Variants in TMEM132C observed in about 807,000 individuals in gnomAD.
TMEM132C encodes the protein transmembrane protein 132C.
TMEM132C carries 29 observed loss-of-function variants against 61.4 expected under a neutral mutation model. That is an observed-to-expected ratio of 0.47 (90% CI 0.35 to 0.64). The LOEUF (loss-of-function observed/expected upper bound fraction) is 0.64. TMEM132C is among the 30% of genes least tolerant of loss of function. The pLI, the probability that TMEM132C is intolerant of heterozygous loss-of-function variation, is 0.00. For missense variants in TMEM132C, 1,408 were observed against 1,476.9 expected (o/e 0.95, Z 0.76); for synonymous variants, 656 against 633.1 (o/e 1.04, Z -0.54).
At chr12:128,658,781 C>T (rs1367499352) in intron 4 of TMEM132C, among the ~76,000 whole-genome samples, 1 of 152,180 alleles carries the variant, frequency 6.6e-6, no homozygotes, top group Non-Finnish European at 1.5e-5. Flanking sequence ...TGGTTTAGCG[C>T]AAGATTCCTC....
intron 3 of TMEM132C, among the ~76,000 whole-genome samples, chr12:128,601,675 G>C (rs1876195432): frequency 3.4e-5 from 5 of 148,942 alleles, no homozygotes; most frequent in Admixed American, 3.3e-4. Context: ...TGGCGGGTTG[G>C]AGTCGTCCTA....
chr12:128,464,950 C>T (rs946968547), intron 2 of TMEM132C, among the ~76,000 whole-genome samples: 33 of 151,994 alleles, frequency 2.2e-4, no homozygotes, highest in African/African-American at 5.8e-4. Context: ...TGGAGATGAG[C>T]GAGAGTAGGA....
At chr12:128,486,384 T>C (rs1375271129) in intron 2 of TMEM132C, among the ~76,000 whole-genome samples, 2 of 151,898 alleles carry the variant, frequency 1.3e-5, no homozygotes, top group African/African-American at 4.8e-5. Context: ...GAAAAGTAAT[T>C]AAGGGAACAC....
At chr12:128,423,428 A>G (rs191452215) in intron 2 of TMEM132C, among the ~76,000 whole-genome samples, 1 of 152,308 alleles carries the variant, frequency 6.6e-6, no homozygotes, top group Admixed American at 6.5e-5. Context: ...TGTTCCAATA[A>G]ACAAACAGGA....
Position 128,570,222 on chromosome 12 carries a change from C to CA in TMEM132C, c.1121+26120dup, listed in dbSNP as rs1303211502. ...TACACCTCCCCACCCCCGCACCCCC[C>CA]ACACACTCACACTGTGGTCACATTG... On this transcript the variant is annotated intron_variant, in intron 3 of 8. Coordinates refer to ENST00000435159, the MANE Select transcript of TMEM132C (RefSeq NM_001136103.3). The surrounding 1 kb of genome is among the most constrained non-coding windows in gnomAD (Gnocchi z 4.7). 1.3e-5 allele frequency among the ~76,000 whole-genome samples: 2 copies of CA among 152,140 alleles called. No homozygotes were observed. Among genetic ancestry groups the CA allele is most frequent in the East Asian group, 3.9e-4 (2 of 5,188 alleles).
intron 3 of TMEM132C, among the ~76,000 whole-genome samples, chr12:128,555,788 C>A (rs1353129928): frequency 6.6e-6 from 1 of 151,584 alleles, no homozygotes; most frequent in Non-Finnish European, 1.5e-5. Context: ...GGTCATGGCT[C>A]ACTGCAGCCT....
Position 128,278,390 on chromosome 12 carries a change from A to G in TMEM132C, c.85+10903A>G, listed in dbSNP as rs974749002. ...ACTTTTCTCATTTGCCTTCAAACTC[A>G]GTGTTTTCATCTGTCGTGTTCATAT... On this transcript the variant is annotated intron_variant, in intron 1 of 8. Coordinates refer to ENST00000435159, the MANE Select transcript of TMEM132C (RefSeq NM_001136103.3). This position sits in a 1 kb window ranked among gnomAD's most constrained non-coding sequence, Gnocchi z 4.2. Among the ~76,000 whole-genome samples the G allele has an allele frequency of 2.6e-5, 4 of 152,172 alleles. No homozygotes were observed. The highest frequency in any genetic ancestry group is 9.7e-5 in the African/African-American group (4 of 41,446).
intron 2 of TMEM132C, among the ~76,000 whole-genome samples, chr12:128,471,863 A>C (rs1345279055): frequency 6.6e-6 from 1 of 152,194 alleles, no homozygotes; most frequent in African/African-American, 2.4e-5. Flanking sequence ...GAATAACATA[A>C]ATAAAATAAA....
At chr12:128,573,247 A>G (rs924789335) in intron 3 of TMEM132C, among the ~76,000 whole-genome samples, 2 of 152,222 alleles carry the variant, frequency 1.3e-5, no homozygotes, top group African/African-American at 2.4e-5. Flanking sequence ...TGTGGCACAT[A>G]TACACCATGG....
At chr12:128,430,120 C>A (rs962215427) in intron 2 of TMEM132C, among the ~76,000 whole-genome samples, 9 of 152,142 alleles carry the variant, frequency 5.9e-5, no homozygotes, top group African/African-American at 2.2e-4. Context: ...GACTTTGACC[C>A]ACAACATTCC....
chr12:128,620,300 G>C (rs934098126), intron 4 of TMEM132C, among the ~76,000 whole-genome samples: 3 of 150,804 alleles, frequency 2.0e-5, no homozygotes, highest in Non-Finnish European at 4.4e-5. Flanking sequence ...ACTAAGCTCT[G>C]CAGGTATTCA....
intron 2 of TMEM132C, among the ~76,000 whole-genome samples, chr12:128,505,565 A>T (rs1281192357): frequency 6.6e-6 from 1 of 152,210 alleles, no homozygotes; most frequent in African/African-American, 2.4e-5. Flanking sequence ...AGTGTTCCTC[A>T]TATTATAGGG....
At chr12:128,434,809 A>G (rs951830318) in intron 2 of TMEM132C, among the ~76,000 whole-genome samples, 4 of 150,992 alleles carry the variant, frequency 2.6e-5, no homozygotes, top group African/African-American at 9.7e-5. Context: ...TTTAGTAGAG[A>G]CGGGGTTTCA....
intron 1 of TMEM132C, among the ~76,000 whole-genome samples, chr12:128,276,024 G>A (rs981761159): frequency 2.0e-5 from 3 of 152,138 alleles, no homozygotes; most frequent in Non-Finnish European, 4.4e-5. Context: ...TTACCTGTCT[G>A]TCTTATAAGG....
intron 4 of TMEM132C, among the ~76,000 whole-genome samples, chr12:128,655,178 C>T (rs1954312234): frequency 6.6e-6 from 1 of 152,206 alleles, no homozygotes. Context: ...GCCTGGTCTG[C>T]TCCGTCAGGG....
chr12:128,376,745 A>G (rs1347715540), intron 1 of TMEM132C, among the ~76,000 whole-genome samples: 1 of 152,212 alleles, frequency 6.6e-6, no homozygotes, highest in African/African-American at 2.4e-5. Flanking sequence ...GGAACAGAAA[A>G]CTTAAAAGAA....
chr12:128,526,816 GAGGC>G (rs1283915649), intron 2 of TMEM132C, among the ~76,000 whole-genome samples: 2 of 152,184 alleles, frequency 1.3e-5, no homozygotes, highest in African/African-American at 2.4e-5. Flanking sequence ...ACAAGGCTCA[GAGGC>G]AGGAGCAGCA....
At chr12:128,331,661 T>C (rs1872668665) in intron 1 of TMEM132C, among the ~76,000 whole-genome samples, 1 of 152,220 alleles carries the variant, frequency 6.6e-6, no homozygotes, top group African/African-American at 2.4e-5. Context: ...ATTTTGAGAA[T>C]CCAATCATTC....
At chr12:128,342,280 T>G (rs1316978295) in intron 1 of TMEM132C, among the ~76,000 whole-genome samples, 1 of 152,166 alleles carries the variant, frequency 6.6e-6, no homozygotes, top group African/African-American at 2.4e-5. Context: ...GTGCTGGGAT[T>G]ACAGATGTGA....
Sources: allele counts gnomAD v4.1 joint callset (sites outside exome capture counted in the v4.1 genomes callset), GRCh38; gene constraint gnomAD v4.1.1; non-coding constraint Gnocchi (gnomAD v3.1); transcripts MANE v1.5; gene names NCBI Gene and HGNC (gene_info 2026-07-23, HGNC 2026-07-21).